Variants in SHANK2 observed in about 807,000 individuals in gnomAD.
SHANK2 encodes SH3 and multiple ankyrin repeat domains 2, also known as SH3 and multiple ankyrin repeat domains protein 2.
In SHANK2, 43 loss-of-function variants were observed where a neutral mutation model predicts 133.7. That is an observed-to-expected ratio of 0.32 (90% CI 0.25 to 0.41). The LOEUF (loss-of-function observed/expected upper bound fraction) is 0.41, where lower values mean the gene tolerates loss of function less well. SHANK2 is among the 10% of genes least tolerant of loss of function. SHANK2 has a pLI of 1.00. For synonymous variants in SHANK2, 1,017 were observed against 952.8 expected (o/e 1.07, Z -1.24); for missense variants, 1,994 against 2,235.8 (o/e 0.89, Z 2.18).
intron 6 of SHANK2, among the ~76,000 whole-genome samples, chr11:71,096,643 C>T (rs1460414242): frequency 2.0e-5 from 3 of 152,216 alleles, no homozygotes; most frequent in African/African-American, 7.2e-5. Context: ...AATATCGACG[C>T]TGAACATTCA....
intron 2 of SHANK2, among the ~76,000 whole-genome samples, chr11:71,210,252 A>ATATG (rs1954242919): frequency 2.0e-5 from 2 of 99,128 alleles, no homozygotes; most frequent in Admixed American, 1.0e-4. Context: ...ATATATATAT[A>ATATG]TTTATTTATT....
chr11:71,172,306 C>A (rs1440763142), intron 2 of SHANK2, among the ~76,000 whole-genome samples: 1 of 152,126 alleles, frequency 6.6e-6, no homozygotes, highest in Non-Finnish European at 1.5e-5. Flanking sequence ...TCTCTTGTTA[C>A]TTTATTTACT....
At position 71,145,347 on chromosome 11, in the gene SHANK2, G is replaced by C. The variant is rs574252358; in HGVS notation, c.207+1773C>G. On this transcript the variant is annotated intron_variant, in intron 3 of 25. Transcript: ENST00000601538. ...AAAAACCCCTCAGAATGTTTTAAGAGAGTTTATGCATTTGTGTTGAGCCGC... is the reference window on the plus strand; with the variant it reads ...AAAAACCCCTCAGAATGTTTTAAGACAGTTTATGCATTTGTGTTGAGCCGC... Among the ~76,000 whole-genome samples, 11 of 152,370 alleles carry C rather than the reference G, an allele frequency of 7.2e-5. No homozygotes were observed. The East Asian group carries it at 2.1e-3, about 29-fold the overall frequency.
chr11:71,214,005 A>C (rs1954345519), intron 2 of SHANK2, among the ~76,000 whole-genome samples: 1 of 151,964 alleles, frequency 6.6e-6, no homozygotes, highest in African/African-American at 2.4e-5. Context: ...CCCCTGCCCT[A>C]ACGCGCCCCA....
At chr11:70,481,433 C>T (rs1285166090) in intron 25 of SHANK2, among the ~76,000 whole-genome samples, 2 of 152,128 alleles carry the variant, frequency 1.3e-5, no homozygotes, top group Non-Finnish European at 2.9e-5. Flanking sequence ...ATCCTGGATT[C>T]TTGCAAGAAG....
intron 2 of SHANK2, among the ~76,000 whole-genome samples, chr11:71,189,267 C>A (rs1265848765): frequency 6.6e-6 from 1 of 152,228 alleles, no homozygotes. Context: ...CCTGGCTCAG[C>A]GGTGCTGTTC....
chr11:71,177,012 A>T (rs7941128), intron 2 of SHANK2, among the ~76,000 whole-genome samples: 4 of 152,008 alleles, frequency 2.6e-5, no homozygotes, highest in Non-Finnish European at 5.9e-5. Context: ...CTTAAGAATG[A>T]CAGCAGATTT....
chr11:70,843,158 T>C (rs1948936452), intron 11 of SHANK2, among the ~76,000 whole-genome samples: 2 of 148,862 alleles, frequency 1.3e-5, no homozygotes, highest in South Asian at 4.3e-4. Flanking sequence ...GAGCAGAGGC[T>C]GCAGTGGAGA....
chr11:71,219,351 G>A (rs1479505098), intron 2 of SHANK2, among the ~76,000 whole-genome samples: 1 of 152,120 alleles, frequency 6.6e-6, no homozygotes, highest in Non-Finnish European at 1.5e-5. Flanking sequence ...AGATTGTCAG[G>A]AAATATCACA....
chr11:70,740,286 A>T (rs1312650726), intron 14 of SHANK2, among the ~76,000 whole-genome samples: 1 of 152,170 alleles, frequency 6.6e-6, no homozygotes, highest in Non-Finnish European at 1.5e-5. Flanking sequence ...AATGAAAACC[A>T]TAAAGGTTGT....
rs1555148006 is a variant in SHANK2, at chr11:70,469,749, T to G, written c.*3120A>C. 1 of 152,660 alleles carries G rather than the reference T, an allele frequency of 6.6e-6. No homozygotes were observed. Among genetic ancestry groups the G allele is most frequent in the African/African-American group, 2.4e-5 (1 of 41,456 alleles). The allele number at this position is 152,660 out of a possible 1,614,324, so 9.5% of individuals were successfully genotyped here. On this transcript the variant is annotated 3_prime_UTR_variant, in exon 26 of 26. Coordinates refer to ENST00000601538, the MANE Select transcript of SHANK2 (RefSeq NM_012309.5). The stretch of plus-strand genomic sequence containing the variant: ...TTGTTCAATAACTGAGAAAAAAATT[T>G]ACCATTTTATTAACTAAAGTATCAC...
At chr11:70,489,520 C>T (rs1051856146) in intron 23 of SHANK2, 172 bp from the exon 24 acceptor site, 29 of 705,678 alleles carry the variant, frequency 4.1e-5, no homozygotes, top group Middle Eastern at 3.3e-4. Context: ...AAGCACGCTG[C>T]GCTTTTGCAC....
intron 25 of SHANK2, among the ~76,000 whole-genome samples, chr11:70,475,567 T>A (rs1555149951): frequency 1.3e-5 from 2 of 152,194 alleles, no homozygotes; most frequent in Non-Finnish European, 2.9e-5. Flanking sequence ...TCCTACTTGA[T>A]GTTAGTCACT....
chr11:70,588,848 C>T (rs782455003), intron 17 of SHANK2, among the ~76,000 whole-genome samples: 50 of 152,308 alleles, frequency 3.3e-4, no homozygotes, highest in Non-Finnish European at 1.9e-4. Context: ...GATGGAGTCG[C>T]GCTCTGTCGC....
intron 2 of SHANK2, among the ~76,000 whole-genome samples, chr11:71,176,772 A>C (rs7116150): frequency 0.23 from 34,333 of 151,888 alleles, 4,140 homozygotes; most frequent in South Asian, 0.28. Context: ...AGTTTCTAAA[A>C]AAAAAGAGGG....
At position 71,117,902 on chromosome 11, in the gene SHANK2, G is replaced by C. The variant is rs73521169; in HGVS notation, c.411+927C>G. ...AAAAAGGGGGTGGTGGGAACCCCTA[G>C]TTCACAGCCAAATGGGACAGAAATG... is the stretch of plus-strand genomic sequence containing the variant. On this transcript the variant is annotated intron_variant, in intron 4 of 25. Transcript: ENST00000601538. Among the ~76,000 whole-genome samples the C allele has an allele frequency of 8.5e-3, 1,301 of 152,300 alleles. 19 individuals carry two copies. Among genetic ancestry groups the C allele is most frequent in the African/African-American group, 0.03 (1,250 of 41,562 alleles).
chr11:70,704,876 G>A (rs2134536392), intron 14 of SHANK2, among the ~76,000 whole-genome samples: 1 of 152,338 alleles, frequency 6.6e-6, no homozygotes, highest in Non-Finnish European at 1.5e-5. Context: ...TAGCTCTCCT[G>A]TGGTTGAGTA....
Position 70,815,964 on chromosome 11 carries a change from C to G in SHANK2, c.1493+4400G>C, listed in dbSNP as rs147211842. On this transcript the variant is annotated intron_variant, in intron 12 of 25. Transcript: ENST00000601538. The stretch of plus-strand genomic sequence containing the variant: ...GCCCAGGACAGTCGGCCTCCTCCTA[C>G]CTGGCCATCTCTGCTTCCCCTGCTT... Among the ~76,000 whole-genome samples, 1,021 of 152,330 alleles carry G rather than the reference C, an allele frequency of 6.7e-3. 6 individuals carry two copies. Among genetic ancestry groups the G allele is most frequent in the African/African-American group, 0.023 (959 of 41,570 alleles).
intron 15 of SHANK2, among the ~76,000 whole-genome samples, chr11:70,688,165 G>A (rs1555020110): frequency 6.6e-6 from 1 of 152,132 alleles, no homozygotes; most frequent in East Asian, 1.9e-4. Flanking sequence ...AAGACCAAGT[G>A]CGCCCAGCCC....
Sources: allele counts gnomAD v4.1 joint callset (sites outside exome capture counted in the v4.1 genomes callset), GRCh38; gene constraint gnomAD v4.1.1; transcripts MANE v1.5; gene names NCBI Gene and HGNC (gene_info 2026-07-23, HGNC 2026-07-21).